The following AK7 variants were observed in gnomAD, a reference collection of about 807,000 sequenced individuals.
AK7 encodes the protein ATP-AMP transphosphorylase 7.
Under a neutral mutation model 96.6 loss-of-function variants are expected in AK7, and 78 were observed. The observed-to-expected ratio is 0.81, with a 90% CI of 0.67 to 0.97. The LOEUF is 0.97. AK7 is among the 50% of genes least tolerant of loss of function. The pLI is 0.00. For missense variants in AK7, 855 were observed against 887.9 expected (o/e 0.96, Z 0.47); for synonymous variants, 302 against 317.2 (o/e 0.95, Z 0.51).
intron 5 of AK7, among the ~76,000 whole-genome samples, chr14:96,424,629 C>T (rs1891919419): frequency 6.6e-6 from 1 of 151,958 alleles, no homozygotes; most frequent in Non-Finnish European, 1.5e-5. Flanking sequence ...AACTTCGGTC[C>T]TATAAAAAAC....
intron 12 of AK7, among the ~76,000 whole-genome samples, chr14:96,463,496 G>C (rs1041398110): frequency 6.6e-6 from 1 of 151,774 alleles, no homozygotes; most frequent in African/African-American, 2.4e-5. Flanking sequence ...GAGGCGGGCG[G>C]ATCACGAGGT....
At chr14:96,460,969 C>G (rs1457793493) in intron 12 of AK7, among the ~76,000 whole-genome samples, 2 of 152,182 alleles carry the variant, frequency 1.3e-5, no homozygotes, top group Non-Finnish European at 2.9e-5. Flanking sequence ...CATGCAAACA[C>G]CAAGTGTTCG....
chr14:96,407,900 A>C (rs1282543509), intron 3 of AK7, among the ~76,000 whole-genome samples: 1 of 152,078 alleles, frequency 6.6e-6, no homozygotes, highest in African/African-American at 2.4e-5. Context: ...TGAAAATTAT[A>C]CATCATGAAG....
In AK7 at chr14:96,472,738, A is replaced by G; in HGVS notation, c.1538A>G (p.Asp513Gly). Residue 513 changes from aspartate to glycine, a missense_variant, in exon 14 of 18, where the codon GAT (aspartate) becomes GGT (glycine). Transcript: ENST00000267584. The part of the protein sequence containing the change: ...DDVRGRMFPF[D>G]KLIIPEFVCA... ...GTCAGAGGCAGAATGTTTCCCTTTG[A>G]TAAATTAATTATACCTGGTAAGTTT... is the stretch of plus-strand genomic sequence containing the variant. 6.2e-7 allele frequency: 1 copy of G among 1,612,632 alleles called. No individual in the cohort carries two copies. Among genetic ancestry groups the G allele is most frequent in the African/African-American group, 1.3e-5 (1 of 75,028 alleles).
At chr14:96,485,099 T>C (rs931965266) in intron 16 of AK7, among the ~76,000 whole-genome samples, 4 of 152,130 alleles carry the variant, frequency 2.6e-5, no homozygotes, top group African/African-American at 9.7e-5. Flanking sequence ...CCAGTTTATG[T>C]ATCATCTAAC....
At chr14:96,403,395 T>C (rs1402595914) in intron 2 of AK7, among the ~76,000 whole-genome samples, 1 of 152,140 alleles carries the variant, frequency 6.6e-6, no homozygotes, top group Non-Finnish European at 1.5e-5. Flanking sequence ...ACCTTGATCC[T>C]GGGTTTTTAG....
At chr14:96,462,336 G>T (rs192784302) in intron 12 of AK7, among the ~76,000 whole-genome samples, 1 of 152,114 alleles carries the variant, frequency 6.6e-6, no homozygotes, top group Admixed American at 6.5e-5. Flanking sequence ...CCTCCTATCC[G>T]TATTTACCTG....
At chr14:96,475,287 T>G (rs545119306) in intron 14 of AK7, among the ~76,000 whole-genome samples, 1 of 151,934 alleles carries the variant, frequency 6.6e-6, no homozygotes, top group African/African-American at 2.4e-5. Context: ...CATAGAGAGG[T>G]CAATGCCATT....
At chr14:96,397,541 G>A (rs905925786) in intron 1 of AK7, among the ~76,000 whole-genome samples, 3 of 152,068 alleles carry the variant, frequency 2.0e-5, no homozygotes, top group South Asian at 2.1e-4. Flanking sequence ...GAGCCACTGC[G>A]CCCAACCTCA....
chr14:96,432,202 C>CTTTT (rs71103525), intron 5 of AK7, among the ~76,000 whole-genome samples: 26 of 101,188 alleles, frequency 2.6e-4, no homozygotes, highest in Non-Finnish European at 3.1e-4. Flanking sequence ...GCAACCCCTG[C>CTTTT]TTTTTTTTTT....
At chr14:96,392,730 C>G (rs929821967) in intron 1 of AK7, among the ~76,000 whole-genome samples, 5 of 152,030 alleles carry the variant, frequency 3.3e-5, no homozygotes, top group African/African-American at 1.2e-4. Context: ...GTGGCGCGAT[C>G]TCGGCTCACT....
chr14:96,484,645 G>A (rs1895678655), intron 16 of AK7, among the ~76,000 whole-genome samples: 1 of 152,186 alleles, frequency 6.6e-6, no homozygotes, highest in Admixed American at 6.6e-5. Context: ...TCTTTCTAGT[G>A]AGGCATTTCC....
intron 6 of AK7, among the ~76,000 whole-genome samples, chr14:96,442,086 C>T (rs1892989209): frequency 1.3e-5 from 2 of 152,184 alleles, no homozygotes; most frequent in Admixed American, 1.3e-4. Flanking sequence ...AACAACAATT[C>T]AAAATAATCT....
intron 14 of AK7, among the ~76,000 whole-genome samples, chr14:96,473,478 T>C (rs1326741761): frequency 6.6e-6 from 1 of 151,900 alleles, no homozygotes; most frequent in East Asian, 1.9e-4. Context: ...TTTTTTTTTT[T>C]TAACTACTTC....
rs192461292 is a variant in AK7, at chr14:96,418,270, G to A, written c.499-2552G>A. ...TCCCAGGAGGTTGAGGCTGCAGTGC[G>A]CTGTGATTGTGCCACTGCGCCCCAC... On this transcript the variant is annotated intron_variant, in intron 4 of 17. Transcript: ENST00000267584. Among the ~76,000 whole-genome samples the A allele has an allele frequency of 1.6e-3, 219 of 136,598 alleles. 2 individuals carry two copies. The highest frequency in any genetic ancestry group is 2.8e-3 in the Non-Finnish European group (185 of 65,538). 89.6% of individuals were successfully genotyped at this position (136,598 alleles called of 152,430 possible).
At position 96,392,669 on chromosome 14, in the gene AK7, A is replaced by AT. The variant is rs34085850; in HGVS notation, c.105+422dup. On this transcript the variant is annotated intron_variant, in intron 1 of 17. Transcript: ENST00000267584. ...GGCAGCTAAACGAGAAAATAAATCAATTTTTTTTTTTTGAGACGGAGCCTT... is the reference window on the plus strand; with the variant it reads ...GGCAGCTAAACGAGAAAATAAATCAATTTTTTTTTTTTTGAGACGGAGCCTT... Among the ~76,000 whole-genome samples the AT allele has an allele frequency of 7.3e-5, 11 of 149,728 alleles. No individual in the cohort carries two copies. In the South Asian group the frequency reaches 1.3e-3, roughly 17 times the overall value.
At chr14:96,424,022 A>G (rs1411058810) in intron 5 of AK7, 33 of 765,924 alleles carry the variant, frequency 4.3e-5, no homozygotes, top group African/African-American at 1.7e-5. Context: ...GTCAAGACCC[A>G]GGTGTAGAGT....
chr14:96,422,495 A>G (rs1183341698), intron 5 of AK7, among the ~76,000 whole-genome samples: 1 of 152,196 alleles, frequency 6.6e-6, no homozygotes, highest in Non-Finnish European at 1.5e-5. Context: ...TCTTATCCAT[A>G]TGGACAGGCG....
At position 96,456,477 on chromosome 14, in the gene AK7, T is replaced by C; in HGVS notation, c.1227+2T>C. ...ATTTCTGAAGCCATAGCAAAACTGG[T>C]AACACTTTAAACTATTTTCCTGGGC... On this transcript the variant is annotated splice_donor_variant, in intron 11 of 17. Transcript: ENST00000267584. LOFTEE classifies it high-confidence loss of function. The C allele has an allele frequency of 6.2e-7, 1 of 1,613,070 alleles. No individual in the cohort carries two copies. The highest frequency in any genetic ancestry group is 8.5e-7 in the Non-Finnish European group (1 of 1,179,340).
Sources: allele counts gnomAD v4.1 joint callset (sites outside exome capture counted in the v4.1 genomes callset), GRCh38; gene constraint gnomAD v4.1.1; transcripts MANE v1.5; gene names NCBI Gene and HGNC (gene_info 2026-07-23, HGNC 2026-07-21).